The following DCUN1D5 variants were observed in gnomAD, a reference collection of about 807,000 sequenced individuals.
DCUN1D5 encodes DCN1-like protein 5.
A neutral mutation model predicts 38.3 loss-of-function variants in DCUN1D5; 10 were observed. The ratio of observed to expected loss-of-function variants is 0.26; its 90% CI spans 0.16 to 0.44. The LOEUF is 0.44. Among genes scored for constraint, DCUN1D5 ranks in the 20% least tolerant of loss-of-function variants. The pLI is 1.00. For missense variants in DCUN1D5, 148 were observed against 275.3 expected (o/e 0.54, Z 3.27); for synonymous variants, 93 against 90.9 (o/e 1.02, Z -0.13).
rs764360844 is a variant in DCUN1D5 at position 103,055,032 on chromosome 11, CATA to C, written c.*7324_*7326del. ...TTTGATCTTTGAATATTTGCATATT[CATA>C]ATAAGATACCTTGGGGATGGGACCC... is the stretch of plus-strand genomic sequence containing the variant. On this transcript the variant is annotated 3_prime_UTR_variant, in exon 8 of 8. Transcript: ENST00000260247. The C allele has an allele frequency of 7.9e-5, 12 of 152,158 alleles. 1 individual carries two copies. The South Asian group carries it at 1.5e-3, about 18-fold the overall frequency. 9.4% of individuals were successfully genotyped at this position (152,158 alleles called of 1,614,324 possible).
chr11:103,091,625 G>A lies in DCUN1D5; in HGVS notation c.86+162C>T, dbSNP rs754378616. ...ACACACTCGAACACGAGGTCGGGTCGGGCGCGGAGACTCGCGGTGTTCGGC... is the reference window on the plus strand; with the variant it reads ...ACACACTCGAACACGAGGTCGGGTCAGGCGCGGAGACTCGCGGTGTTCGGC... On this transcript the variant is annotated intron_variant, in intron 1 of 7. Coordinates refer to ENST00000260247, the MANE Select transcript of DCUN1D5 (RefSeq NM_032299.4). The surrounding 1 kb of genome is among the most constrained non-coding windows in gnomAD (Gnocchi z 4.3). 9.1e-6 allele frequency: 12 copies of A among 1,316,132 alleles called. No homozygotes were observed. The South Asian group carries it at 1.4e-4, about 15-fold the overall frequency. The allele number at this position is 1,316,132 out of a possible 1,614,324, so 81.5% of individuals were successfully genotyped here.
In DCUN1D5 at chr11:103,066,539, T is replaced by C. The variant is rs780312335; in HGVS notation, c.370A>G (p.Lys124Glu). The stretch of plus-strand genomic sequence containing the variant: ...AACTGTGAGCGCAAAAAGTCAAATT[T>C]GTTTTGTAACTTTTCTGTGCAGTCA... ...QCDCTEKLQN[K>E]FDFLRSQLND... The change falls in exon 5 of 8, where the codon AAA becomes GAA. Residue 124 changes from lysine (K) to glutamate (E), a missense_variant. Transcript: ENST00000260247. This position sits in a 1 kb window ranked among gnomAD's most constrained non-coding sequence, Gnocchi z 4.7. 3.7e-6 allele frequency: 6 copies of C among 1,611,792 alleles called. No individual in the cohort carries two copies. Among genetic ancestry groups the C allele is most frequent in the Non-Finnish European group, 5.1e-6 (6 of 1,178,484 alleles).
At chr11:103,072,144 G>T (rs1249069669) in intron 4 of DCUN1D5, among the ~76,000 whole-genome samples, 1 of 152,008 alleles carries the variant, frequency 6.6e-6, no homozygotes, top group East Asian at 1.9e-4. Context: ...CTCTAAGATG[G>T]GGAACAAGGA....
Position 103,061,572 on chromosome 11 carries a change from T to C in DCUN1D5, c.*787A>G, listed in dbSNP as rs948675708. Among the ~76,000 whole-genome samples the C allele has an allele frequency of 6.9e-6, 1 of 144,674 alleles. No homozygotes were observed. The highest frequency in any genetic ancestry group is 2.6e-5 in the African/African-American group (1 of 38,562). 94.9% of individuals were successfully genotyped at this position (144,674 alleles called of 152,430 possible). ...CCTATGTGTATCTTAATTAAATCCA[T>C]ATCACAGCTAACGTTCTCTTAAGGC... On this transcript the variant is annotated 3_prime_UTR_variant, in exon 8 of 8. Coordinates refer to ENST00000260247, the MANE Select transcript of DCUN1D5 (RefSeq NM_032299.4).
rs1861798306 is a variant in DCUN1D5 at position 103,053,541 on chromosome 11, T to C, written c.*8818A>G. ...AAGAAAACATAAATATTTAAGGTGA[T>C]GGATATCCCAATTATCTTCATTTAA... On this transcript the variant is annotated 3_prime_UTR_variant, in exon 8 of 8. Coordinates refer to ENST00000260247, the MANE Select transcript of DCUN1D5 (RefSeq NM_032299.4). This position sits in a 1 kb window ranked among gnomAD's most constrained non-coding sequence, Gnocchi z 4.8. 1 of 152,084 alleles carries C rather than the reference T, an allele frequency of 6.6e-6. No individual in the cohort carries two copies. Among genetic ancestry groups the C allele is most frequent in the South Asian group, 2.1e-4 (1 of 4,824 alleles). The allele number at this position is 152,084 out of a possible 1,614,324, so 9.4% of individuals were successfully genotyped here.
chr11:103,074,838 T>A (rs1862370562), intron 4 of DCUN1D5, among the ~76,000 whole-genome samples: 1 of 152,212 alleles, frequency 6.6e-6, no homozygotes, highest in Admixed American at 6.5e-5. Context: ...TCTTAAAGGG[T>A]CTGATTCTCA....
In DCUN1D5 at chr11:103,050,936, T is replaced by C. The variant is rs1025539208; in HGVS notation, c.*11423A>G. 6.6e-6 allele frequency: 1 copy of C among 152,170 alleles called. No individual in the cohort carries two copies. Among genetic ancestry groups the C allele is most frequent in the Non-Finnish European group, 1.5e-5 (1 of 68,038 alleles). The allele number at this position is 152,170 out of a possible 1,614,324, so 9.4% of individuals were successfully genotyped here. On this transcript the variant is annotated 3_prime_UTR_variant, in exon 8 of 8. Transcript: ENST00000260247. ...CTCCATGATGGGTAAGGAAAGGGTG[T>C]TTCTTTAAAAATAATCAGACCCAGA...
At chr11:103,074,126 T>C (rs987757726) in intron 4 of DCUN1D5, among the ~76,000 whole-genome samples, 1 of 152,066 alleles carries the variant, frequency 6.6e-6, no homozygotes. Flanking sequence ...GAAAAACTAA[T>C]AAACTGGACA....
At chr11:103,081,905 C>A (rs1217921022) in intron 4 of DCUN1D5, among the ~76,000 whole-genome samples, 3 of 151,758 alleles carry the variant, frequency 2.0e-5, no homozygotes, top group Non-Finnish European at 4.4e-5. Context: ...TAAGGCCAGG[C>A]AAAAAATAAA....
chr11:103,082,275 A>G (rs767215361), intron 4 of DCUN1D5, among the ~76,000 whole-genome samples: 1 of 152,124 alleles, frequency 6.6e-6, no homozygotes, highest in Non-Finnish European at 1.5e-5. Flanking sequence ...TTTGTCCTTT[A>G]TGAAATTCAC....
At chr11:103,072,694 G>A (rs1862307548) in intron 4 of DCUN1D5, among the ~76,000 whole-genome samples, 1 of 149,446 alleles carries the variant, frequency 6.7e-6, no homozygotes. Context: ...CTCACTCATA[G>A]GTGGGAACTG....
In DCUN1D5 at chr11:103,091,635, A is replaced by G; in HGVS notation, c.86+152T>C. ...ACACGAGGTCGGGTCGGGCGCGGAG[A>G]CTCGCGGTGTTCGGCACCTACAGCC... On this transcript the variant is annotated intron_variant, in intron 1 of 7. Coordinates refer to ENST00000260247, the MANE Select transcript of DCUN1D5 (RefSeq NM_032299.4). This position sits in a 1 kb window ranked among gnomAD's most constrained non-coding sequence, Gnocchi z 4.3. 1.4e-6 allele frequency: 2 copies of G among 1,422,756 alleles called. No homozygotes were observed. Among genetic ancestry groups the G allele is most frequent in the Non-Finnish European group, 1.9e-6 (2 of 1,037,104 alleles). The allele number at this position is 1,422,756 out of a possible 1,614,324, so 88.1% of individuals were successfully genotyped here.
rs1185810905 is a variant in DCUN1D5 at position 103,061,272 on chromosome 11, T to C, written c.*1087A>G. On this transcript the variant is annotated 3_prime_UTR_variant, in exon 8 of 8. Coordinates refer to ENST00000260247, the MANE Select transcript of DCUN1D5 (RefSeq NM_032299.4). The stretch of plus-strand genomic sequence containing the variant: ...GACACTAGAAATGTTTCTGAAGTTG[T>C]GACTGGGCTATGAATATGAACAAAG... 6.6e-6 allele frequency among the ~76,000 whole-genome samples: 1 copy of C among 152,170 alleles called. No individual in the cohort carries two copies. The highest frequency in any genetic ancestry group is 1.5e-5 in the Non-Finnish European group (1 of 68,010).
rs1862883494 is a variant in DCUN1D5, at chr11:103,091,930, T to C, written c.-58A>G. ...GCCGGGGAAGGGGGTCCCTGTCCGCTGGAAGCCCCTCAGCGCTGGCACCCA... is the reference window on the plus strand; with the variant it reads ...GCCGGGGAAGGGGGTCCCTGTCCGCCGGAAGCCCCTCAGCGCTGGCACCCA... On this transcript the variant is annotated 5_prime_UTR_variant, in exon 1 of 8. Coordinates refer to ENST00000260247, the MANE Select transcript of DCUN1D5 (RefSeq NM_032299.4). The surrounding 1 kb of genome is among the most constrained non-coding windows in gnomAD (Gnocchi z 4.3). 4 of 1,508,486 alleles carry C rather than the reference T, an allele frequency of 2.7e-6. No individual in the cohort carries two copies. The highest frequency in any genetic ancestry group is 1.8e-5 in the Admixed American group (1 of 54,826). The allele number at this position is 1,508,486 out of a possible 1,614,324, so 93.4% of individuals were successfully genotyped here.
intron 4 of DCUN1D5, among the ~76,000 whole-genome samples, chr11:103,081,724 AT>A (rs1862568845): frequency 6.6e-6 from 1 of 152,174 alleles, no homozygotes; most frequent in Non-Finnish European, 1.5e-5. Context: ...CATTCAAGAA[AT>A]TATGATTTGG....
intron 4 of DCUN1D5, among the ~76,000 whole-genome samples, chr11:103,072,788 A>G (rs978296483): frequency 2.6e-5 from 4 of 151,842 alleles, no homozygotes; most frequent in African/African-American, 9.7e-5. Flanking sequence ...GAGGGATAGC[A>G]TTAGGAGATA....
At position 103,051,980 on chromosome 11, in the gene DCUN1D5, C is replaced by T. The variant is rs1861750952; in HGVS notation, c.*10379G>A. On this transcript the variant is annotated 3_prime_UTR_variant, in exon 8 of 8. Transcript: ENST00000260247. ...ATTTCAGTCCACAGAACTCACTCTC[C>T]TCTGAACTCCTATAGCTTATTGTCA... The T allele has an allele frequency of 6.6e-6, 1 of 152,180 alleles. No homozygotes were observed. Among genetic ancestry groups the T allele is most frequent in the South Asian group, 2.1e-4 (1 of 4,822 alleles). 9.4% of individuals were successfully genotyped at this position (152,180 alleles called of 1,614,324 possible). A position where few individuals can be genotyped will look rare whatever the true frequency, so the allele number is the denominator to read the frequency against.
At position 103,091,601 on chromosome 11, in the gene DCUN1D5, C is replaced by T. The variant is rs1862868286; in HGVS notation, c.86+186G>A. On this transcript the variant is annotated intron_variant, in intron 1 of 7. Coordinates refer to ENST00000260247, the MANE Select transcript of DCUN1D5 (RefSeq NM_032299.4). This position sits in a 1 kb window ranked among gnomAD's most constrained non-coding sequence, Gnocchi z 4.3. ...GTCTCTCCATAAACGCCAGCGTGCACACACTCGAACACGAGGTCGGGTCGG... is the reference window on the plus strand; with the variant it reads ...GTCTCTCCATAAACGCCAGCGTGCATACACTCGAACACGAGGTCGGGTCGG... 2.0e-6 allele frequency: 2 copies of T among 1,009,022 alleles called. No homozygotes were observed. Among genetic ancestry groups the T allele is most frequent in the Non-Finnish European group, 2.9e-6 (2 of 679,736 alleles). The allele number at this position is 1,009,022 out of a possible 1,614,324, so 62.5% of individuals were successfully genotyped here.
Position 103,064,154 on chromosome 11 carries a change from CAATT to C in DCUN1D5, c.658+117_658+120del. 2 of 663,484 alleles carry C rather than the reference CAATT, an allele frequency of 3.0e-6. No individual in the cohort carries two copies. The highest frequency in any genetic ancestry group is 6.2e-5 in the East Asian group (2 of 32,424). The allele number at this position is 663,484 out of a possible 1,614,324, so 41.1% of individuals were successfully genotyped here. On this transcript the variant is annotated intron_variant, in intron 7 of 7. Coordinates refer to ENST00000260247, the MANE Select transcript of DCUN1D5 (RefSeq NM_032299.4). The surrounding 1 kb of genome is among the most constrained non-coding windows in gnomAD (Gnocchi z 4.5). ...TCTACTTCTCCCACAATCCCTCACA[CAATT>C]AAATAAGTTACTATTACAAAGTTTA... is the stretch of plus-strand genomic sequence containing the variant.
Sources: allele counts gnomAD v4.1 joint callset (sites outside exome capture counted in the v4.1 genomes callset), GRCh38; gene constraint gnomAD v4.1.1; non-coding constraint Gnocchi (gnomAD v3.1); transcripts MANE v1.5; gene names NCBI Gene and HGNC (gene_info 2026-07-23, HGNC 2026-07-21).